The following CACNG4 variants were observed in gnomAD, a reference collection of about 807,000 sequenced individuals.
CACNG4 encodes the protein calcium voltage-gated channel auxiliary subunit gamma 4, also known as voltage-dependent calcium channel gamma-4 subunit.
Under a neutral mutation model 22.9 loss-of-function variants are expected in CACNG4, and 8 were observed. The ratio of observed to expected loss-of-function variants is 0.35; its 90% CI spans 0.21 to 0.63. The LOEUF (loss-of-function observed/expected upper bound fraction) is 0.63, where lower values mean the gene tolerates loss of function less well. Among genes scored for constraint, CACNG4 ranks in the 30% least tolerant of loss-of-function variants. CACNG4 has a pLI of 0.72. For missense variants in CACNG4, 357 were observed against 455.4 expected, an observed-to-expected ratio of 0.78 and a Z score of 1.97; for synonymous variants, 188 against 191.9, an observed-to-expected ratio of 0.98 and a Z score of 0.17.
rs767219625 is a variant in CACNG4 at position 67,030,735 on chromosome 17, C to T, written c.715C>T (p.Arg239Trp). ...TGCCAGGATGCCGAGCTACAGGTAC[C>T]GGCGACGGCGCTCGAGGTCCAGCTC... is the stretch of plus-strand genomic sequence containing the variant. ...PYARMPSYRY[R>W]RRRSRSSSRS... Residue 239 changes from arginine to tryptophan, a missense_variant, in exon 4 of 4, where the codon CGG (arginine) becomes TGG (tryptophan). By Grantham distance (101) the Arg-to-Trp change is moderately radical (BLOSUM62 -3). This residue lies in a region of CACNG4 where 240 missense variants were observed against 277.6 expected (regional missense o/e 0.86). Coordinates refer to ENST00000262138, the MANE Select transcript of CACNG4 (RefSeq NM_014405.4). The surrounding 1 kb of genome is among the most constrained non-coding windows in gnomAD (Gnocchi z 6.4). The T allele has an allele frequency of 1.7e-5, 28 of 1,614,100 alleles. No individual in the cohort carries two copies. The highest frequency in any genetic ancestry group is 6.7e-5 in the Admixed American group (4 of 60,006).
chr17:66,968,722 C>T (rs2035186543), intron 1 of CACNG4, among the ~76,000 whole-genome samples: 2 of 93,930 alleles, frequency 2.1e-5, no homozygotes, highest in African/African-American at 4.4e-5. Context: ...CCCTCCTTCT[C>T]TCCTTCCTCT....
intron 1 of CACNG4, among the ~76,000 whole-genome samples, chr17:67,006,790 A>T (rs1247110297): frequency 6.6e-6 from 1 of 152,224 alleles, no homozygotes; most frequent in Non-Finnish European, 1.5e-5. Context: ...TGGGCAAAGG[A>T]TTGAGTGGGT....
intron 1 of CACNG4, among the ~76,000 whole-genome samples, chr17:67,014,238 C>A (rs935361739): frequency 6.6e-6 from 1 of 152,150 alleles, no homozygotes; most frequent in Non-Finnish European, 1.5e-5. Flanking sequence ...GTATGGAGAG[C>A]GAACACATGT....
At chr17:66,983,115 C>T (rs906194384) in intron 1 of CACNG4, among the ~76,000 whole-genome samples, 4 of 152,162 alleles carry the variant, frequency 2.6e-5, no homozygotes, top group Non-Finnish European at 5.9e-5. Context: ...ATACCTCTTC[C>T]CAGTTGATAA....
At chr17:66,974,808 T>C (rs1211957448) in intron 1 of CACNG4, among the ~76,000 whole-genome samples, 1 of 152,174 alleles carries the variant, frequency 6.6e-6, no homozygotes, top group East Asian at 1.9e-4. Flanking sequence ...TGCAGGCTTT[T>C]CCCAGGGTCT....
At chr17:67,014,315 T>C (rs1419590598) in intron 1 of CACNG4, among the ~76,000 whole-genome samples, 1 of 152,224 alleles carries the variant, frequency 6.6e-6, no homozygotes, top group Non-Finnish European at 1.5e-5. Flanking sequence ...CCTTACTAAA[T>C]GCCCTAGGCC....
intron 3 of CACNG4, among the ~76,000 whole-genome samples, chr17:67,029,466 C>A (rs917889755): frequency 9.7e-6 from 1 of 103,234 alleles, no homozygotes; most frequent in South Asian, 4.1e-4. Context: ...CCCGTCTCTA[C>A]TAAAAATACA....
At chr17:66,999,847 T>C (rs1046815901) in intron 1 of CACNG4, among the ~76,000 whole-genome samples, 2 of 152,202 alleles carry the variant, frequency 1.3e-5, no homozygotes, top group Non-Finnish European at 2.9e-5. Context: ...TCTATTAGGA[T>C]AGATGAGGCT....
intron 1 of CACNG4, among the ~76,000 whole-genome samples, chr17:67,004,680 C>A (rs1389403329): frequency 6.6e-6 from 1 of 152,150 alleles, no homozygotes; most frequent in East Asian, 1.9e-4. Context: ...AGAGTTCTGC[C>A]GGTTGCAAGC....
At chr17:66,991,142 AC>A (rs1220415729) in intron 1 of CACNG4, among the ~76,000 whole-genome samples, 1 of 152,020 alleles carries the variant, frequency 6.6e-6, no homozygotes, top group Non-Finnish European at 1.5e-5. Flanking sequence ...AGAGGAAAAC[AC>A]AGGTGGGTGG....
At chr17:66,978,449 C>T (rs2035251515) in intron 1 of CACNG4, among the ~76,000 whole-genome samples, 1 of 152,056 alleles carries the variant, frequency 6.6e-6, no homozygotes, top group Non-Finnish European at 1.5e-5. Flanking sequence ...TTCTTAATTC[C>T]CAGGGTTCCT....
chr17:67,004,680 C>T (rs1389403329), intron 1 of CACNG4, among the ~76,000 whole-genome samples: 8 of 152,150 alleles, frequency 5.3e-5, no homozygotes, highest in Non-Finnish European at 7.3e-5. Context: ...AGAGTTCTGC[C>T]GGTTGCAAGC....
rs377357313 is a variant in CACNG4, at chr17:67,025,347, G to A, written c.445+347G>A. Among the ~76,000 whole-genome samples the A allele has an allele frequency of 1.9e-4, 29 of 152,364 alleles. No homozygotes were observed. In the South Asian group the frequency reaches 6.0e-3, roughly 32 times the overall value. On this transcript the variant is annotated intron_variant, in intron 3 of 3. Transcript: ENST00000262138. ...AAAATAAGTCCAGGTGTGCAAAGTG[G>A]TGGGTGGGGTTCAGCTGGCAGTTTT...
At chr17:67,002,059 T>C (rs2035411396) in intron 1 of CACNG4, among the ~76,000 whole-genome samples, 3 of 152,192 alleles carry the variant, frequency 2.0e-5, no homozygotes, top group Admixed American at 6.5e-5. Flanking sequence ...TATTCATCCA[T>C]TTTCATACTG....
In CACNG4 at chr17:66,984,452, C is replaced by T. The variant is rs1315674767; in HGVS notation, c.220+19321C>T. Among the ~76,000 whole-genome samples the T allele has an allele frequency of 1.3e-5, 2 of 152,188 alleles. No homozygotes were observed. The highest frequency in any genetic ancestry group is 4.8e-5 in the African/African-American group (2 of 41,442). On this transcript the variant is annotated intron_variant, in intron 1 of 3. Coordinates refer to ENST00000262138, the MANE Select transcript of CACNG4 (RefSeq NM_014405.4). The surrounding 1 kb of genome is among the most constrained non-coding windows in gnomAD (Gnocchi z 4.0). ...CCTGCCACCAGCCTGCACCCGCCCCCATTCATCCCCAACTGCTGGCCTGTA... is the reference window on the plus strand; with the variant it reads ...CCTGCCACCAGCCTGCACCCGCCCCTATTCATCCCCAACTGCTGGCCTGTA...
intron 1 of CACNG4, among the ~76,000 whole-genome samples, chr17:66,976,862 C>T (rs375216391): frequency 3.3e-5 from 5 of 152,186 alleles, no homozygotes; most frequent in African/African-American, 1.2e-4. Context: ...CCTCACACGT[C>T]GGCTGTGCTT....
At chr17:66,982,503 G>A (rs949658723) in intron 1 of CACNG4, among the ~76,000 whole-genome samples, 1 of 132,148 alleles carries the variant, frequency 7.6e-6, no homozygotes, top group Non-Finnish European at 1.8e-5. Flanking sequence ...GGCGTTGATT[G>A]GCGTGTTTTA....
intron 1 of CACNG4, among the ~76,000 whole-genome samples, chr17:66,986,166 C>CA: frequency 6.6e-6 from 1 of 152,306 alleles, no homozygotes; most frequent in African/African-American, 2.4e-5. Context: ...GAGAGGAGGC[C>CA]AGAAGCTGGG....
At chr17:66,978,466 C>G (rs888556214) in intron 1 of CACNG4, among the ~76,000 whole-genome samples, 1 of 152,110 alleles carries the variant, frequency 6.6e-6, no homozygotes, top group African/African-American at 2.4e-5. Flanking sequence ...TCCTCCTGCC[C>G]ACTTCACCCC....
Sources: gnomAD v4.1 joint callset for allele counts (sites outside exome capture counted in the v4.1 genomes callset) on GRCh38, gnomAD v4.1.1 for gene constraint, gnomAD v4.1.1 regional missense constraint, Gnocchi (gnomAD v3.1) non-coding constraint, MANE v1.5 for transcripts, NCBI Gene and HGNC (gene_info 2026-07-23, HGNC 2026-07-21) for gene names.